The following RBM23 variants were observed in gnomAD, a reference collection of about 807,000 sequenced individuals.
The protein encoded by RBM23 is RNA binding motif protein 23.
In RBM23, 53 loss-of-function variants were observed where a neutral mutation model predicts 56.2. The ratio of observed to expected loss-of-function variants is 0.94; its 90% CI spans 0.76 to 1.19. The LOEUF (loss-of-function observed/expected upper bound fraction) is 1.19, where lower values mean the gene tolerates loss of function less well. Among genes scored for constraint, RBM23 ranks in the 50% most tolerant of loss-of-function variants. RBM23 has a pLI of 0.00. For synonymous variants in RBM23, 197 were observed against 198.5 expected (o/e 0.99, Z 0.06); for missense variants, 642 against 590.3 (o/e 1.09, Z -0.91).
intron 4 of RBM23, 106 bp from the exon 5 acceptor site, chr14:22,906,474 G>C: frequency 7.9e-7 from 1 of 1,271,440 alleles, no homozygotes; most frequent in East Asian, 2.4e-5. Flanking sequence ...TGAGAAGTTC[G>C]TATAACCTAG....
chr14:22,904,617 G>A (rs752034100), intron 9 of RBM23, among the ~76,000 whole-genome samples: 6 of 151,428 alleles, frequency 4.0e-5, no homozygotes, highest in Non-Finnish European at 7.4e-5. Flanking sequence ...GACTATAGGC[G>A]TGCACCACCA....
chr14:22,898,697 A>T lies in RBM23; in HGVS notation c.*3033T>A, dbSNP rs575940035. The T allele has an allele frequency of 6.6e-6, 1 of 151,920 alleles. No individual in the cohort carries two copies. The highest frequency in any genetic ancestry group is 2.1e-4 in the South Asian group (1 of 4,806). 9.4% of individuals were successfully genotyped at this position (151,920 alleles called of 1,614,324 possible). A position where few individuals can be genotyped will look rare whatever the true frequency, so the allele number is the denominator to read the frequency against. On this transcript the variant is annotated 3_prime_UTR_variant, in exon 14 of 14. Coordinates refer to ENST00000359890, the MANE Select transcript of RBM23 (RefSeq NM_001077351.2). ...AAGAACAAGAAAGAACTGAGGTGGA[A>T]GGATCCGAGTGTAGGAAGGCCAAGG... is the stretch of plus-strand genomic sequence containing the variant.
In RBM23 at chr14:22,893,703, C is replaced by T. The variant is rs992430376; in HGVS notation, c.*8027G>A. 1.3e-5 allele frequency: 2 copies of T among 152,068 alleles called. No homozygotes were observed. Among genetic ancestry groups the T allele is most frequent in the African/African-American group, 4.8e-5 (2 of 41,406 alleles). 9.4% of individuals were successfully genotyped at this position (152,068 alleles called of 1,614,324 possible). A position where few individuals can be genotyped will look rare whatever the true frequency, so the allele number is the denominator to read the frequency against. On this transcript the variant is annotated 3_prime_UTR_variant, in exon 14 of 14. Transcript: ENST00000359890. ...CAGCCCACCACATGAGGAAAAGGCCCTTCCTATAAAGAAGGCAGCAAAATT... is the reference window on the plus strand; with the variant it reads ...CAGCCCACCACATGAGGAAAAGGCCTTTCCTATAAAGAAGGCAGCAAAATT...
In RBM23 at chr14:22,904,322, T is replaced by C. The variant is rs1441634318; in HGVS notation, c.869A>G (p.Asp290Gly). 1.3e-5 allele frequency: 21 copies of C among 1,606,260 alleles called. No homozygotes were observed. Among genetic ancestry groups the C allele is most frequent in the Non-Finnish European group, 1.7e-5 (20 of 1,173,520 alleles). The change falls in exon 10 of 14, where the codon GAT (aspartate) becomes GGT (glycine). Residue 290 changes from aspartate (D) to glycine (G), a missense_variant. By Grantham distance (94) the Asp-to-Gly change is moderately conservative (BLOSUM62 -1). Transcript: ENST00000359890. ...TGAGTCCTTCATCAGGACAATATTA[T>C]CAATCTGTAGAAGAGTGAGAAATTA... is the stretch of plus-strand genomic sequence containing the variant. ...RGIFEPFGKI[D>G]NIVLMKDSDT...
In RBM23 at chr14:22,899,635, C is replaced by CA. The variant is rs1323149815; in HGVS notation, c.*2094dup. The CA allele has an allele frequency of 1.3e-5, 2 of 152,454 alleles. No individual in the cohort carries two copies. The highest frequency in any genetic ancestry group is 3.9e-4 in the East Asian group (2 of 5,192). 9.4% of individuals were successfully genotyped at this position (152,454 alleles called of 1,614,324 possible). On this transcript the variant is annotated 3_prime_UTR_variant, in exon 14 of 14. Transcript: ENST00000359890. ...TCGTGATCCACCCACCTCGGCCTCC[C>CA]AAAGTGCTGGGATTACAGGCGTGAG...
chr14:22,905,226 G>A lies in RBM23; in HGVS notation c.594C>T (p.Ile198=), dbSNP rs2295680. The part of the protein sequence containing the change: ...AVGKVRDVRI[I]SDRNSRRSKG... ...TAGAACGACGTGAGTTCCGATCTGAGATGATACGTACATCGCGAACCTATC... is the reference window on the plus strand; with the variant it reads ...TAGAACGACGTGAGTTCCGATCTGAAATGATACGTACATCGCGAACCTATC... The change falls in exon 8 of 14, where the codon ATC becomes ATT. Residue 198 remains isoleucine (I), a synonymous_variant. Transcript: ENST00000359890. 915,850 of 1,613,834 alleles carry A rather than the reference G, an allele frequency of 0.57. 270,607 individuals are homozygous for A. The highest frequency in any genetic ancestry group is 0.79 in the East Asian group (35,593 of 44,860).
At chr14:22,908,623 G>T (rs968028828) in intron 3 of RBM23, 45 of 380,794 alleles carry the variant, frequency 1.2e-4, no homozygotes, top group African/African-American at 9.3e-4. Context: ...TGAACCCCTG[G>T]CCTCAAGTGA....
At position 22,907,342 on chromosome 14, in the gene RBM23, C is replaced by CA. The variant is rs974817586; in HGVS notation, c.228-975dup. The stretch of plus-strand genomic sequence containing the variant: ...GGGCAACAAAAGCGAAACTCGGTCT[C>CA]AAAAAAAAAAGAAAAAATAAGACCC... On this transcript the variant is annotated intron_variant, in intron 4 of 13. Transcript: ENST00000359890. 2.0e-4 allele frequency among the ~76,000 whole-genome samples: 29 copies of CA among 142,076 alleles called. No individual in the cohort carries two copies. The East Asian group carries it at 2.4e-3, about 12-fold the overall frequency. The allele number at this position is 142,076 out of a possible 152,430, so 93.2% of individuals were successfully genotyped here.
rs2040193634 is a variant in RBM23, at chr14:22,893,215, A to G, written c.*8515T>C. 6.6e-6 allele frequency: 1 copy of G among 152,248 alleles called. No homozygotes were observed. The highest frequency in any genetic ancestry group is 2.4e-5 in the African/African-American group (1 of 41,444). 9.4% of individuals were successfully genotyped at this position (152,248 alleles called of 1,614,324 possible). ...TCACTCCCAGGAAGTTCACACACAC[A>G]CATCTTTTTATTAATCTAATATAGT... On this transcript the variant is annotated 3_prime_UTR_variant, in exon 14 of 14. Coordinates refer to ENST00000359890, the MANE Select transcript of RBM23 (RefSeq NM_001077351.2).
In RBM23 at chr14:22,906,319, T is replaced by G; in HGVS notation, c.277A>C (p.Ser93Arg). Residue 93 changes from serine to arginine, a missense_variant, in exon 5 of 14, where the codon AGT (serine) becomes CGT (arginine). Transcript: ENST00000359890. ...CGGTGACGACACTGCCGACCTGGAC[T>G]TCGGCTCCGACTATTTCTCCGTCTA... ...RYRRRNSRSR[S>R]PGRQCRHRSR... The G allele has an allele frequency of 6.2e-7, 1 of 1,614,224 alleles. No homozygotes were observed. The highest frequency in any genetic ancestry group is 8.5e-7 in the Non-Finnish European group (1 of 1,180,050).
intron 1 of RBM23, among the ~76,000 whole-genome samples, chr14:22,915,103 G>A (rs1317378725): frequency 6.6e-6 from 1 of 151,920 alleles, no homozygotes; most frequent in Admixed American, 6.6e-5. Context: ...TTAAATAAGT[G>A]TAATAATTAC....
intron 1 of RBM23, 58 bp downstream of exon 1, chr14:22,918,941 T>G (rs1288566260): frequency 2.0e-5 from 3 of 152,138 alleles, no homozygotes; most frequent in African/African-American, 7.2e-5. Flanking sequence ...GGAGGCGCCG[T>G]GCAGCAACGT....
chr14:22,916,231 G>A (rs543562587), intron 1 of RBM23, among the ~76,000 whole-genome samples: 1 of 151,654 alleles, frequency 6.6e-6, no homozygotes, highest in South Asian at 2.1e-4. Flanking sequence ...CCAAAACAGA[G>A]AAGGTCACAC....
At position 22,905,146 on chromosome 14, in the gene RBM23, C is replaced by T; in HGVS notation, c.674G>A (p.Gly225Glu). The change falls in exon 8 of 14, where the codon GGG becomes GAG. Residue 225 changes from glycine to glutamate, a missense_variant. Coordinates refer to ENST00000359890, the MANE Select transcript of RBM23 (RefSeq NM_001077351.2). ...CEIQSVPLAI[G>E]LTGQRLLGVP... ...TCCCAGCAACCGCTGCCCAGTCAGC[C>T]CAATGGCCAGTGGCACAGACTGGAT... is the stretch of plus-strand genomic sequence containing the variant. The T allele has an allele frequency of 6.2e-7, 1 of 1,614,156 alleles. No homozygotes were observed. Among genetic ancestry groups the T allele is most frequent in the South Asian group, 1.1e-5 (1 of 91,082 alleles).
rs1224336046 is a variant in RBM23, at chr14:22,902,293, A to C, written c.1020T>G (p.Thr340=). ...TGTCTGTGCCACCATCCAGTCGCTC[A>C]GTCACATGGCCAACCCTCATAGGTC... ...AGRPMRVGHV[T]ERLDGGTDIT... The change falls in exon 11 of 14, where the codon ACT becomes ACG. Residue 340 remains threonine, a synonymous_variant. Transcript: ENST00000359890. The C allele has an allele frequency of 5.0e-6, 8 of 1,614,218 alleles. No individual in the cohort carries two copies. The highest frequency in any genetic ancestry group is 6.8e-6 in the Non-Finnish European group (8 of 1,180,034).
At position 22,905,319 on chromosome 14, in the gene RBM23, T is replaced by G; in HGVS notation, c.573+17A>C. 1 of 1,613,926 alleles carries G rather than the reference T, an allele frequency of 6.2e-7. No homozygotes were observed. Among genetic ancestry groups the G allele is most frequent in the South Asian group, 1.1e-5 (1 of 91,076 alleles). ...CAAGCTAAGCTACTCAGAAGAAAACTAAGGTGGGAGGGTTACCTTGCCTAC... is the reference window on the plus strand; with the variant it reads ...CAAGCTAAGCTACTCAGAAGAAAACGAAGGTGGGAGGGTTACCTTGCCTAC... On this transcript the variant is annotated intron_variant, in intron 7 of 13. Transcript: ENST00000359890.
rs909664068 is a variant in RBM23 at position 22,896,135 on chromosome 14, G to A, written c.*5595C>T. On this transcript the variant is annotated 3_prime_UTR_variant, in exon 14 of 14. Coordinates refer to ENST00000359890, the MANE Select transcript of RBM23 (RefSeq NM_001077351.2). Reference sequence around the variant, plus strand: ...AATGAAGTCAGCTAGAAAATCAAGTGAGTAGGCATCCAGAGGAGTGAAAAT... The same window carrying A: ...AATGAAGTCAGCTAGAAAATCAAGTAAGTAGGCATCCAGAGGAGTGAAAAT... The A allele has an allele frequency of 6.6e-6, 1 of 152,212 alleles. No homozygotes were observed. Among genetic ancestry groups the A allele is most frequent in the East Asian group, 1.9e-4 (1 of 5,204 alleles). 9.4% of individuals were successfully genotyped at this position (152,212 alleles called of 1,614,324 possible).
In RBM23 at chr14:22,901,887, G is replaced by C. The variant is rs1319241465; in HGVS notation, c.1247-4C>G. ...AGGTTCAGGGCTGGACTCAGAGCTA[G>C]AACAAAGACAGGCAGAGTGAGTGAG... On this transcript the variant is annotated splice_region_variant and splice_polypyrimidine_tract_variant and intron_variant, in intron 12 of 13. Transcript: ENST00000359890. 6.2e-7 allele frequency: 1 copy of C among 1,614,200 alleles called. No homozygotes were observed. Among genetic ancestry groups the C allele is most frequent in the African/African-American group, 1.3e-5 (1 of 75,054 alleles).
At chr14:22,907,320 C>T (rs2041745498) in intron 4 of RBM23, among the ~76,000 whole-genome samples, 1 of 150,778 alleles carries the variant, frequency 6.6e-6, no homozygotes, top group African/African-American at 2.4e-5. Flanking sequence ...CCAGCCTGGG[C>T]AACAAAAGCG....
Sources: gnomAD v4.1 joint callset for allele counts (sites outside exome capture counted in the v4.1 genomes callset) on GRCh38, gnomAD v4.1.1 for gene constraint, MANE v1.5 for transcripts, NCBI Gene and HGNC (gene_info 2026-07-23, HGNC 2026-07-21) for gene names.